The following PPFIA2 variants were observed in gnomAD, a reference collection of about 807,000 sequenced individuals.
PPFIA2 encodes PPFI scaffold protein A2, also known as liprin-alpha-2.
PPFIA2 carries 46 observed loss-of-function variants against 175.5 expected under a neutral mutation model. That is an observed-to-expected ratio of 0.26 (90% CI 0.21 to 0.34). The LOEUF (loss-of-function observed/expected upper bound fraction) is 0.34, where lower values mean the gene tolerates loss of function less well. Among genes scored for constraint, PPFIA2 ranks in the 10% least tolerant of loss-of-function variants. The probability of loss-of-function intolerance (pLI) is 1.00; values close to 1 mark genes in which losing one functional copy is unlikely to be tolerated. For missense variants in PPFIA2, 1,179 were observed against 1,506.1 expected (o/e 0.78, Z 3.60); for synonymous variants, 568 against 511.4 (o/e 1.11, Z -1.49).
chr12:81,503,422 T>A (rs1366071665), intron 4 of PPFIA2, among the ~76,000 whole-genome samples: 1 of 152,046 alleles, frequency 6.6e-6, no homozygotes. Flanking sequence ...ACTGACCACA[T>A]CATAAGACCA....
intron 7 of PPFIA2, among the ~76,000 whole-genome samples, chr12:81,413,072 C>T (rs1238684089): frequency 1.3e-5 from 2 of 151,932 alleles, no homozygotes; most frequent in East Asian, 3.9e-4. Context: ...TTAGTAATCT[C>T]CAGTAACTCA....
intron 5 of PPFIA2, among the ~76,000 whole-genome samples, chr12:81,457,074 C>G (rs1054637593): frequency 6.6e-6 from 1 of 151,634 alleles, no homozygotes; most frequent in Non-Finnish European, 1.5e-5. Context: ...GGTGCAATCT[C>G]GGTTCACTGC....
chr12:81,738,110 A>G (rs2081864915), intron 3 of PPFIA2, among the ~76,000 whole-genome samples: 1 of 151,834 alleles, frequency 6.6e-6, no homozygotes, highest in South Asian at 2.1e-4. Context: ...GCAGCCAAAA[A>G]GATTAAAAAA....
intron 8 of PPFIA2, among the ~76,000 whole-genome samples, chr12:81,387,217 GGT>G (rs1170102860): frequency 6.6e-6 from 1 of 151,764 alleles, no homozygotes; most frequent in Non-Finnish European, 1.5e-5. Flanking sequence ...CTATTTAACA[GGT>G]GTAAAATTGT....
intron 4 of PPFIA2, among the ~76,000 whole-genome samples, chr12:81,668,064 G>A (rs1567794045): frequency 1.3e-5 from 2 of 152,006 alleles, no homozygotes; most frequent in Non-Finnish European, 2.9e-5. Flanking sequence ...CTCCCATGGG[G>A]ACATCCCATG....
intron 4 of PPFIA2, among the ~76,000 whole-genome samples, chr12:81,564,360 T>TG (rs1170445936): frequency 1.3e-5 from 2 of 152,202 alleles, no homozygotes; most frequent in Admixed American, 1.3e-4. Context: ...GGGAGACACT[T>TG]GCACACAAAT....
rs1266271354 is a variant in PPFIA2, at chr12:81,481,936, T to C, written c.304-24070A>G. ...AGCTTCTGCACAGCAAAAGAAACTATCATCAGAGTGAAAAGGAAACCTACA... is the reference window on the plus strand; with the variant it reads ...AGCTTCTGCACAGCAAAAGAAACTACCATCAGAGTGAAAAGGAAACCTACA... On this transcript the variant is annotated intron_variant, in intron 4 of 32. Transcript: ENST00000549396. 3.3e-5 allele frequency among the ~76,000 whole-genome samples: 5 copies of C among 152,148 alleles called. No homozygotes were observed. In the East Asian group the frequency reaches 9.7e-4, roughly 29 times the overall value.
intron 3 of PPFIA2, among the ~76,000 whole-genome samples, chr12:81,702,751 G>A (rs1044729813): frequency 7.9e-5 from 12 of 152,190 alleles, no homozygotes; most frequent in African/African-American, 2.4e-4. Context: ...ATCCCAATGC[G>A]ATCATATTAG....
intron 7 of PPFIA2, among the ~76,000 whole-genome samples, chr12:81,418,658 C>T (rs2045735811): frequency 6.6e-6 from 1 of 151,678 alleles, no homozygotes; most frequent in South Asian, 2.1e-4. Context: ...GGACTTTTAC[C>T]GAAGTTTGCT....
chr12:81,742,709 G>T (rs1455022549), intron 3 of PPFIA2, among the ~76,000 whole-genome samples: 2 of 152,102 alleles, frequency 1.3e-5, no homozygotes, highest in Non-Finnish European at 2.9e-5. Context: ...TGTCAATAGA[G>T]ATAGAAAAAG....
intron 24 of PPFIA2, among the ~76,000 whole-genome samples, chr12:81,290,089 TAAAA>T (rs1462846037): frequency 6.6e-6 from 1 of 151,720 alleles, no homozygotes; most frequent in Non-Finnish European, 1.5e-5. Flanking sequence ...AAGTTAAAAA[TAAAA>T]AAGCCCCGAA....
In PPFIA2 at chr12:81,419,167, G is replaced by A. The variant is rs2045838391; in HGVS notation, c.646-13264C>T. ...AACATTGCTTGGTATCCACCAAGTA[G>A]ACAGTATAAAGTACTGATTAAGATT... On this transcript the variant is annotated intron_variant, in intron 7 of 32. Transcript: ENST00000549396. Among the ~76,000 whole-genome samples the A allele has an allele frequency of 2.0e-5, 3 of 151,986 alleles. No individual in the cohort carries two copies. The South Asian group carries it at 6.2e-4, about 31-fold the overall frequency.
At chr12:81,609,847 T>C (rs1395848489) in intron 4 of PPFIA2, among the ~76,000 whole-genome samples, 1 of 152,176 alleles carries the variant, frequency 6.6e-6, no homozygotes, top group East Asian at 1.9e-4. Context: ...TAGATTTGAT[T>C]TTACAGTTGC....
At chr12:81,419,880 G>A (rs952339199) in intron 7 of PPFIA2, among the ~76,000 whole-genome samples, 1 of 152,112 alleles carries the variant, frequency 6.6e-6, no homozygotes, top group African/African-American at 2.4e-5. Flanking sequence ...TATGTTCACA[G>A]TTCAGACACA....
At chr12:81,402,079 C>T (rs942621378) in intron 8 of PPFIA2, among the ~76,000 whole-genome samples, 4 of 152,112 alleles carry the variant, frequency 2.6e-5, no homozygotes, top group South Asian at 2.1e-4. Flanking sequence ...CTCAATCCAC[C>T]GACACAAAAC....
At chr12:81,428,217 T>G (rs568121036) in intron 7 of PPFIA2, among the ~76,000 whole-genome samples, 1 of 152,030 alleles carries the variant, frequency 6.6e-6, no homozygotes, top group African/African-American at 2.4e-5. Flanking sequence ...CTATGTCTGC[T>G]ACCACAAATA....
At position 81,475,158 on chromosome 12, in the gene PPFIA2, T is replaced by C. The variant is rs562488423; in HGVS notation, c.304-17292A>G. ...TGTCATACAAACCTCTGTATCTAGA[T>C]GATAAACTCTGTGAGAACCAGAACT... On this transcript the variant is annotated intron_variant, in intron 4 of 32. Transcript: ENST00000549396. Among the ~76,000 whole-genome samples, 3 of 152,328 alleles carry C rather than the reference T, an allele frequency of 2.0e-5. No homozygotes were observed. The East Asian group carries it at 5.8e-4, about 29-fold the overall frequency.
At chr12:81,278,135 T>A (rs1041956423) in intron 27 of PPFIA2, among the ~76,000 whole-genome samples, 1 of 152,170 alleles carries the variant, frequency 6.6e-6, no homozygotes, top group Non-Finnish European at 1.5e-5. Flanking sequence ...AATACAATTA[T>A]ACATGGAGAA....
rs112679298 is a variant in PPFIA2, at chr12:81,589,848, G to A, written c.303+86943C>T. Among the ~76,000 whole-genome samples, 525 of 151,674 alleles carry A rather than the reference G, an allele frequency of 3.5e-3. 6 individuals are homozygous for A. Among genetic ancestry groups the A allele is most frequent in the African/African-American group, 0.012 (490 of 41,336 alleles). On this transcript the variant is annotated intron_variant, in intron 4 of 32. Coordinates refer to ENST00000549396, the MANE Select transcript of PPFIA2 (RefSeq NM_003625.5). Reference sequence around the variant, plus strand: ...CTACTGAATTGTTCCCTCTGTTCTCGTCCAAATCCCAACCAAGGAAATATC... The same window carrying A: ...CTACTGAATTGTTCCCTCTGTTCTCATCCAAATCCCAACCAAGGAAATATC...
Sources: gnomAD v4.1 joint callset for allele counts (sites outside exome capture counted in the v4.1 genomes callset) on GRCh38, gnomAD v4.1.1 for gene constraint, MANE v1.5 for transcripts, NCBI Gene and HGNC (gene_info 2026-07-23, HGNC 2026-07-21) for gene names.